Variants in IQANK1 observed in about 807,000 individuals in gnomAD.
IQANK1 encodes IQ motif and ankyrin repeat containing 1.
IQANK1 carries 30 observed loss-of-function variants against 22.6 expected under a neutral mutation model. That is an observed-to-expected ratio of 1.33 (90% CI 0.99 to 1.80). IQANK1 has a LOEUF of 1.80. Ranked by LOEUF, IQANK1 falls within the 40% of genes most tolerant of loss-of-function variation. IQANK1 has a pLI of 0.00. For synonymous variants in IQANK1, 122 were observed against 99.6 expected (o/e 1.23, Z -1.34); for missense variants, 275 against 235.2 (o/e 1.17, Z -1.11).
chr8:143,756,505 C>T (rs981892801), intron 3 of IQANK1, among the ~76,000 whole-genome samples: 12 of 152,116 alleles, frequency 7.9e-5, no homozygotes, highest in Non-Finnish European at 1.8e-4. Flanking sequence ...TATGTTTCAT[C>T]TTCATTCATG....
chr8:143,760,909 C>A (rs1257066277), intron 3 of IQANK1, among the ~76,000 whole-genome samples: 1 of 152,072 alleles, frequency 6.6e-6, no homozygotes, highest in Non-Finnish European at 1.5e-5. Flanking sequence ...AGAGGCGGGG[C>A]GCGGCCCAGC....
chr8:143,789,619 G>A, intron 10 of IQANK1, 91 bp downstream of exon 10: 2 of 1,225,834 alleles, frequency 1.6e-6, no homozygotes, highest in Middle Eastern at 3.1e-4. Flanking sequence ...TCCCAGGCCT[G>A]GGGTTTTTCC....
chr8:143,742,034 T>C, intron 3 of IQANK1: 1 of 283,574 alleles, frequency 3.5e-6, no homozygotes. Flanking sequence ...GCAGTCGTGA[T>C]GTCCACGAGC....
At position 143,734,167 on chromosome 8, in the gene IQANK1, C is replaced by G. The variant is rs1447786792; in HGVS notation, c.-57C>G. The G allele has an allele frequency of 6.6e-6, 1 of 152,196 alleles. No homozygotes were observed. The highest frequency in any genetic ancestry group is 1.5e-5 in the Non-Finnish European group (1 of 68,024). The allele number at this position is 152,196 out of a possible 1,614,324, so 9.4% of individuals were successfully genotyped here. A position where few individuals can be genotyped will look rare whatever the true frequency, so the allele number is the denominator to read the frequency against. On this transcript the variant is annotated 5_prime_UTR_variant, in exon 1 of 14. Transcript: ENST00000527139. ...CGCTAGGAAACGAGCGAGCCCGACG[C>G]CAGGGGCGGAGCTCTGGCCTCCTCG...
rs1554626195 is a variant in IQANK1, at chr8:143,739,862, A to G, written c.89A>G (p.Lys30Arg). Residue 30 changes from lysine (K) to arginine (R), a missense_variant, in exon 3 of 14, where the codon AAG (lysine) becomes AGG (arginine). Physicochemically the swap from Lys to Arg is conservative, Grantham distance 26 (BLOSUM62 2). Transcript: ENST00000527139. ...PGPKTRAAAG[K>R]PGENRPPQRK... Reference sequence around the variant, plus strand: ...ACTGACGGTCGTTTTCCCTTAGGGAAGCCCGGGGAGAACCGCCCGCCGCAG... The same window carrying G: ...ACTGACGGTCGTTTTCCCTTAGGGAGGCCCGGGGAGAACCGCCCGCCGCAG... The G allele has an allele frequency of 1.4e-6, 1 of 694,086 alleles. No individual in the cohort carries two copies. The highest frequency in any genetic ancestry group is 2.6e-6 in the Non-Finnish European group (1 of 381,326). 43.0% of individuals were successfully genotyped at this position (694,086 alleles called of 1,614,324 possible).
rs533779135 is a variant in IQANK1 at position 143,735,774 on chromosome 8, G to C, written c.-4-76G>C. 1.2e-5 allele frequency: 8 copies of C among 692,908 alleles called. 1 individual carries two copies. The highest frequency in any genetic ancestry group is 7.0e-5 in the African/African-American group (4 of 57,202). 42.9% of individuals were successfully genotyped at this position (692,908 alleles called of 1,614,324 possible). On this transcript the variant is annotated intron_variant, in intron 1 of 13. Coordinates refer to ENST00000527139, the MANE Select transcript of IQANK1 (RefSeq NM_001381874.1). This position sits in a 1 kb window ranked among gnomAD's most constrained non-coding sequence, Gnocchi z 5.2. Reference sequence around the variant, plus strand: ...CACTCAGGCGCCCATGGTGTGCCCTGTTCCCCACTGCCACTGCCCCTGCCC... The same window carrying C: ...CACTCAGGCGCCCATGGTGTGCCCTCTTCCCCACTGCCACTGCCCCTGCCC...
intron 3 of IQANK1, among the ~76,000 whole-genome samples, chr8:143,767,558 A>G (rs1381022855): frequency 1.3e-5 from 2 of 152,184 alleles, no homozygotes; most frequent in Non-Finnish European, 2.9e-5. Context: ...AGTACAAGGA[A>G]CAGAACCAGG....
rs1225799718 is a variant in IQANK1, at chr8:143,758,687, A to G, written c.176-12801A>G. ...GGCCTGGATCAAAACTGGCAGTGAC[A>G]CCTGGCCCCTGACAAGCCTGAGTCA... is the stretch of plus-strand genomic sequence containing the variant. On this transcript the variant is annotated intron_variant, in intron 3 of 13. Transcript: ENST00000527139. This position sits in a 1 kb window ranked among gnomAD's most constrained non-coding sequence, Gnocchi z 4.2. The G allele has an allele frequency of 1.3e-5, 2 of 152,260 alleles. No homozygotes were observed. Among genetic ancestry groups the G allele is most frequent in the African/African-American group, 4.8e-5 (2 of 41,436 alleles). The allele number at this position is 152,260 out of a possible 1,614,324, so 9.4% of individuals were successfully genotyped here.
intron 3 of IQANK1, 38 bp downstream of exon 3, chr8:143,739,986 G>A (rs1297312116): frequency 4.5e-6 from 3 of 671,852 alleles, no homozygotes; most frequent in African/African-American, 1.8e-5. Context: ...GTGGGTGACC[G>A]GGTGAGCTGT....
Position 143,771,513 on chromosome 8 carries a change from A to C in IQANK1, c.201A>C (p.Arg67Ser), listed in dbSNP as rs1819572744. 1 of 397,922 alleles carries C rather than the reference A, an allele frequency of 2.5e-6. No individual in the cohort carries two copies. The highest frequency in any genetic ancestry group is 1.3e-4 in the South Asian group (1 of 7,862). 24.6% of individuals were successfully genotyped at this position (397,922 alleles called of 1,614,324 possible). A position where few individuals can be genotyped will look rare whatever the true frequency, so the allele number is the denominator to read the frequency against. The part of the protein sequence containing the change: ...PTGPAEDRAA[R>S]AIQGAFRQLR... ...GGCCGGCCGAGGACCGAGCGGCCAG[A>C]GCGATCCAGGGCGCCTTCCGGCAGC... The change falls in exon 4 of 14, where the codon AGA (arginine) becomes AGC (serine). Residue 67 changes from arginine to serine, a missense_variant. Physicochemically the swap from Arg to Ser is moderately radical, Grantham distance 110. Transcript: ENST00000527139. This position sits in a 1 kb window ranked among gnomAD's most constrained non-coding sequence, Gnocchi z 6.0.
intron 7 of IQANK1, among the ~76,000 whole-genome samples, chr8:143,777,415 C>T (rs1554630526): frequency 1.3e-5 from 2 of 149,086 alleles, no homozygotes; most frequent in East Asian, 4.1e-4. Flanking sequence ...GCTCAGGGGG[C>T]TGAGGCAGGA....
chr8:143,788,129 A>G (rs1819929538), intron 7 of IQANK1, among the ~76,000 whole-genome samples: 1 of 152,128 alleles, frequency 6.6e-6, no homozygotes, highest in Non-Finnish European at 1.5e-5. Context: ...CACACTAGAC[A>G]ACAGGCCCTG....
At chr8:143,783,811 G>A (rs1587494329) in intron 7 of IQANK1, among the ~76,000 whole-genome samples, 2 of 152,082 alleles carry the variant, frequency 1.3e-5, no homozygotes, top group African/African-American at 4.8e-5. Context: ...GTTGTCCTGA[G>A]AGCACCCACA....
chr8:143,736,174 T>C (rs1307195582), intron 2 of IQANK1, among the ~76,000 whole-genome samples: 1 of 149,118 alleles, frequency 6.7e-6, no homozygotes, highest in Non-Finnish European at 1.5e-5. Flanking sequence ...GGAGTCTCGC[T>C]CTTGTCACCC....
At chr8:143,776,327 C>CAAAAAAAAAAAA (rs57571355) in intron 7 of IQANK1, among the ~76,000 whole-genome samples, 1 of 105,910 alleles carries the variant, frequency 9.4e-6, no homozygotes. Context: ...GACTCCGTCT[C>CAAAAAAAAAAAA]AAAAAAAAAA....
At chr8:143,775,980 G>A (rs62526405) in intron 7 of IQANK1, among the ~76,000 whole-genome samples, 64,200 of 151,960 alleles carry the variant, frequency 0.42, 18,745 homozygotes, top group African/African-American at 0.83. Context: ...CAAAGAGAAA[G>A]AGAAGGTTGA....
chr8:143,751,541 G>C (rs1819187285), intron 3 of IQANK1, among the ~76,000 whole-genome samples: 2 of 150,536 alleles, frequency 1.3e-5, no homozygotes, highest in Admixed American at 6.6e-5. Flanking sequence ...GAACCTGGGA[G>C]GCAGAGGTGG....
intron 3 of IQANK1, among the ~76,000 whole-genome samples, chr8:143,757,008 A>G (rs1819305905): frequency 1.3e-5 from 2 of 151,962 alleles, no homozygotes; most frequent in African/African-American, 4.8e-5. Context: ...AGAAAAGAGC[A>G]TGACTTTGCT....
chr8:143,762,604 C>A (rs781902100), intron 3 of IQANK1, among the ~76,000 whole-genome samples: 13 of 152,168 alleles, frequency 8.5e-5, no homozygotes, highest in Non-Finnish European at 1.6e-4. Flanking sequence ...TGGGAAGATA[C>A]GCTGATGCCA....
Sources: gnomAD v4.1 joint callset for allele counts (sites outside exome capture counted in the v4.1 genomes callset) on GRCh38, gnomAD v4.1.1 for gene constraint, Gnocchi (gnomAD v3.1) non-coding constraint, MANE v1.5 for transcripts, NCBI Gene and HGNC (gene_info 2026-07-23, HGNC 2026-07-21) for gene names.